The following GRTP1 variants were observed in gnomAD, a reference collection of about 807,000 sequenced individuals.
The protein encoded by GRTP1 is growth hormone regulated TBC protein 1, also known as growth hormone-regulated TBC protein 1.
In GRTP1, 56 loss-of-function variants were observed where a neutral mutation model predicts 38.1. That is an observed-to-expected ratio of 1.47 (90% CI 1.19 to 1.84). The LOEUF is 1.84. Ranked by LOEUF, GRTP1 falls within the 40% of genes most tolerant of loss-of-function variation. The probability of loss-of-function intolerance (pLI) is 0.00; values close to 1 mark genes in which losing one functional copy is unlikely to be tolerated. For synonymous variants in GRTP1, 217 were observed against 189.5 expected (o/e 1.14, Z -1.19); for missense variants, 506 against 453.9 (o/e 1.11, Z -1.04).
rs1353919037 is a variant in GRTP1, at chr13:113,346,668, C to CCG, written c.466-1710_466-1709insCG. ...AGCGGACCTGGGAGGACCTCTGTGG[C>CCG]TGAGCGGATCTGGGAGGACCTCTGT... On this transcript the variant is annotated intron_variant, in intron 4 of 7. Transcript: ENST00000375431. 0.46 allele frequency among the ~76,000 whole-genome samples: 129 copies of CCG among 282 alleles called. 64 individuals carry two copies. The highest frequency in any genetic ancestry group is 0.61 in the African/African-American group (121 of 198). The allele number at this position is 282 out of a possible 152,430, so 0.2% of individuals were successfully genotyped here.
intron 2 of GRTP1, among the ~76,000 whole-genome samples, chr13:113,358,436 C>A (rs1385834207): frequency 1.3e-5 from 2 of 152,156 alleles, no homozygotes; most frequent in Non-Finnish European, 2.9e-5. Context: ...CTCTTTATCA[C>A]TGTTCCAGGA....
In GRTP1 at chr13:113,363,927, A is replaced by C. The variant is rs1269814727; in HGVS notation, c.33-17T>G. The C allele has an allele frequency of 1.9e-6, 3 of 1,606,422 alleles. No homozygotes were observed. The highest frequency in any genetic ancestry group is 2.5e-6 in the Non-Finnish European group (3 of 1,176,788). On this transcript the variant is annotated splice_polypyrimidine_tract_variant and intron_variant, in intron 1 of 7. Coordinates refer to ENST00000375431, the MANE Select transcript of GRTP1 (RefSeq NM_024719.4). ...GGGTCGATCCTGCAAAACCGAGAGAAGGAGGCCGGCGTCCCCGAAGTTTCC... is the reference window on the plus strand; with the variant it reads ...GGGTCGATCCTGCAAAACCGAGAGACGGAGGCCGGCGTCCCCGAAGTTTCC...
chr13:113,339,927 T>C (rs1642135347), intron 5 of GRTP1: 2 of 152,192 alleles, frequency 1.3e-5, no homozygotes, highest in Non-Finnish European at 2.9e-5. Flanking sequence ...ATCAGTGAGA[T>C]TAGTCTGTAT....
Position 113,342,504 on chromosome 13 carries a change from C to T in GRTP1, c.562+2359G>A, listed in dbSNP as rs527571339. ...TGGGCGACAGAGCGAGACTCAGTCT[C>T]AAAAAAAAAAAAGTACTGTATTTTT... On this transcript the variant is annotated intron_variant, in intron 5 of 7. Transcript: ENST00000375431. This position sits in a 1 kb window ranked among gnomAD's most constrained non-coding sequence, Gnocchi z 4.5. Among the ~76,000 whole-genome samples the T allele has an allele frequency of 8.1e-5, 11 of 136,174 alleles. No individual in the cohort carries two copies. The South Asian group carries it at 1.2e-3, about 15-fold the overall frequency. The allele number at this position is 136,174 out of a possible 152,430, so 89.3% of individuals were successfully genotyped here.
rs2043117351 is a variant in GRTP1 at position 113,346,170 on chromosome 13, G to GTGGCCGACAGCA, written c.466-1212_466-1211insTGCTGTCGGCCA. Among the ~76,000 whole-genome samples the GTGGCCGACAGCA allele has an allele frequency of 7.7e-5, 8 of 103,350 alleles. 1 individual carries two copies. The highest frequency in any genetic ancestry group is 6.6e-3 in the Middle Eastern group (1 of 152). 67.8% of individuals were successfully genotyped at this position (103,350 alleles called of 152,430 possible). On this transcript the variant is annotated intron_variant, in intron 4 of 7. Coordinates refer to ENST00000375431, the MANE Select transcript of GRTP1 (RefSeq NM_024719.4). ...CGGGAGGACCTCTGTGCCTGACAGT[G>GTGGCCGACAGCA]GACCCGGGAGGACCTCTGTGGCTGA...
chr13:113,332,356 C>T (rs1236603466), intron 5 of GRTP1, among the ~76,000 whole-genome samples: 3 of 146,600 alleles, frequency 2.0e-5, no homozygotes, highest in African/African-American at 7.8e-5. Context: ...CACACAGGTA[C>T]ACACGTGCAC....
At chr13:113,355,293 T>G in intron 3 of GRTP1, 30 bp downstream of exon 3, 1 of 1,609,762 alleles carries the variant, frequency 6.2e-7, no homozygotes, top group Non-Finnish European at 8.5e-7. Context: ...CCCCGGGCCC[T>G]GCACCAGAGC....
chr13:113,324,490 A>T lies in GRTP1; in HGVS notation c.1009T>A (p.Ter337ArgextTer36), dbSNP rs779281647. Residue 337 changes from the stop codon to arginine (R), a stop_lost, in exon 8 of 8, where the codon TGA becomes AGA. Coordinates refer to ENST00000375431, the MANE Select transcript of GRTP1 (RefSeq NM_024719.4). ...AGCAACGCAGGGGACAGGCACGCTC[A>T]CCCCTGTGCCAGCAGCCGGGCCCTG... ...SCRARLLAQG[*>R] 6.2e-7 allele frequency: 1 copy of T among 1,607,422 alleles called. No homozygotes were observed. The highest frequency in any genetic ancestry group is 1.3e-5 in the African/African-American group (1 of 74,894).
In GRTP1 at chr13:113,355,459, C is replaced by T; in HGVS notation, c.204G>A (p.Gly68=). The T allele has an allele frequency of 1.2e-6, 2 of 1,613,122 alleles. No homozygotes were observed. Among genetic ancestry groups the T allele is most frequent in the Non-Finnish European group, 1.7e-6 (2 of 1,179,420 alleles). ...SRTVKRYVRK[G]VPLEHRARVW... ...CGCGGGCACGGTGCTCCAGCGGGAC[C>T]CCTTTCCGGACATAGCGCTTCACTG... is the stretch of plus-strand genomic sequence containing the variant. Residue 68 remains glycine (G), a synonymous_variant, in exon 3 of 8, where the codon GGG becomes GGA. Coordinates refer to ENST00000375431, the MANE Select transcript of GRTP1 (RefSeq NM_024719.4).
intron 5 of GRTP1, among the ~76,000 whole-genome samples, chr13:113,330,021 G>C (rs1267430515): frequency 6.6e-6 from 1 of 151,830 alleles, no homozygotes; most frequent in South Asian, 2.1e-4. Context: ...GCCCAGGTGC[G>C]TACATGGAAA....
intron 3 of GRTP1, chr13:113,352,106 T>TTC (rs1341573444): frequency 2.0e-5 from 3 of 150,810 alleles, no homozygotes; most frequent in African/African-American, 7.3e-5. Flanking sequence ...CCTTTTTTTT[T>TTC]TTCTGGAATT....
chr13:113,350,769 G>A, intron 4 of GRTP1, 80 bp downstream of exon 4: 3 of 1,297,646 alleles, frequency 2.3e-6, no homozygotes, highest in Middle Eastern at 2.1e-4. Flanking sequence ...GAGACGTGAG[G>A]CCGTCACTGC....
chr13:113,350,922 G>T lies in GRTP1; in HGVS notation c.392C>A (p.Pro131His), dbSNP rs1157562302. The T allele has an allele frequency of 6.2e-7, 1 of 1,613,276 alleles. No individual in the cohort carries two copies. The change falls in exon 4 of 8, where the codon CCC (proline) becomes CAC (histidine). Residue 131 changes from proline (P) to histidine (H), a missense_variant. Pro to His is a moderately conservative substitution (Grantham distance 77). Transcript: ENST00000375431. ...ATTGTACAGGGTCCTCTGTAAGCAGGGGTCCGTGGTCTTCCGGAACTTCAC... is the reference window on the plus strand; with the variant it reads ...ATTGTACAGGGTCCTCTGTAAGCAGTGGTCCGTGGTCTTCCGGAACTTCAC... ...DNVKFRKTTD[P>H]CLQRTLYNVL...
At chr13:113,325,355 C>A (rs2042743873) in intron 7 of GRTP1, 10 of 1,426,548 alleles carry the variant, frequency 7.0e-6, no homozygotes, top group Non-Finnish European at 9.1e-6. Flanking sequence ...GGTCCAGGAC[C>A]CAGTGGGGAG....
intron 5 of GRTP1, among the ~76,000 whole-genome samples, chr13:113,329,452 C>A (rs67703225): frequency 0.013 from 2,024 of 151,172 alleles, 68 homozygotes; most frequent in East Asian, 0.12. Context: ...GTGGCCAGCA[C>A]CTGTAATCCC....
chr13:113,346,088 G>C (rs2043110275), intron 4 of GRTP1, among the ~76,000 whole-genome samples: 3 of 100,430 alleles, frequency 3.0e-5, no homozygotes, highest in African/African-American at 1.4e-4. Context: ...GCAGACCTGG[G>C]AAGACATCTG....
In GRTP1 at chr13:113,325,816, TAAAC is replaced by T. The variant is rs773489990; in HGVS notation, c.762_765del (p.Phe255ThrfsTer12). The T allele has an allele frequency of 1.4e-4, 230 of 1,613,902 alleles. No individual in the cohort carries two copies. The highest frequency in any genetic ancestry group is 1.8e-4 in the Non-Finnish European group (213 of 1,179,974). On this transcript the variant is annotated frameshift_variant, in exon 7 of 8. Coordinates refer to ENST00000375431, the MANE Select transcript of GRTP1 (RefSeq NM_024719.4). LOFTEE classifies it high-confidence loss of function. ...CGGAAGATAATCTTCGAGCCTTCGT[TAAAC>T]AAACAGTCCCAGATCCGAAGCACTG... is the stretch of plus-strand genomic sequence containing the variant.
At chr13:113,351,310 C>T (rs1394460491) in intron 3 of GRTP1, among the ~76,000 whole-genome samples, 1 of 152,228 alleles carries the variant, frequency 6.6e-6, no homozygotes, top group Non-Finnish European at 1.5e-5. Context: ...GCACCTCGGA[C>T]CTCGCGCGTA....
chr13:113,355,135 G>C, intron 3 of GRTP1, 188 bp downstream of exon 3: 1 of 598,626 alleles, frequency 1.7e-6, no homozygotes, highest in East Asian at 2.8e-5. Flanking sequence ...TCTGCTGAGT[G>C]AATTACGATC....
Sources: gnomAD v4.1 joint callset for allele counts (sites outside exome capture counted in the v4.1 genomes callset) on GRCh38, gnomAD v4.1.1 for gene constraint, Gnocchi (gnomAD v3.1) non-coding constraint, MANE v1.5 for transcripts, NCBI Gene and HGNC (gene_info 2026-07-23, HGNC 2026-07-21) for gene names.